Variants in KCNB2 observed in about 807,000 individuals in gnomAD.
The protein encoded by KCNB2 is delayed rectifier potassium channel protein.
In KCNB2, 15 loss-of-function variants were observed where a neutral mutation model predicts 61.5. The observed-to-expected ratio is 0.24, with a 90% CI of 0.16 to 0.38. The LOEUF (loss-of-function observed/expected upper bound fraction) is 0.38, where lower values mean the gene tolerates loss of function less well. Among genes scored for constraint, KCNB2 ranks in the 10% least tolerant of loss-of-function variants. KCNB2 has a pLI of 1.00. For synonymous variants in KCNB2, 457 were observed against 446.0 expected, an observed-to-expected ratio of 1.02 and a Z score of -0.31; for missense variants, 828 against 1,125.2, an observed-to-expected ratio of 0.74 and a Z score of 3.78.
At chr8:72,781,199 T>C (rs1260738241) in intron 2 of KCNB2, among the ~76,000 whole-genome samples, 1 of 152,232 alleles carries the variant, frequency 6.6e-6, no homozygotes, top group Non-Finnish European at 1.5e-5. Context: ...TCTTTTGCTG[T>C]GCAGGAGCTC....
At chr8:72,935,865 C>T (rs140254238) in intron 2 of KCNB2, 70 bp from the exon 3 acceptor site, 52 of 1,026,278 alleles carry the variant, frequency 5.1e-5, no homozygotes, top group South Asian at 1.2e-4. Flanking sequence ...AAACAATCAC[C>T]GACCCATCTG....
chr8:72,821,743 C>G (rs11987799), intron 2 of KCNB2, among the ~76,000 whole-genome samples: 1 of 151,194 alleles, frequency 6.6e-6, no homozygotes, highest in Non-Finnish European at 1.5e-5. Context: ...TTCAATTTAC[C>G]TTCTATAAGC....
At chr8:72,718,937 A>C (rs1563569944) in intron 2 of KCNB2, among the ~76,000 whole-genome samples, 1 of 152,060 alleles carries the variant, frequency 6.6e-6, no homozygotes, top group Non-Finnish European at 1.5e-5. Context: ...ATAAGGCGAG[A>C]TTTTTTTCCC....
intron 2 of KCNB2, among the ~76,000 whole-genome samples, chr8:72,719,287 CT>C (rs1478277303): frequency 7.9e-5 from 12 of 152,152 alleles, no homozygotes; most frequent in Admixed American, 7.9e-4. Flanking sequence ...TAAATCCTGA[CT>C]TTTCCATGTT....
At chr8:72,922,111 C>A (rs1806534365) in intron 2 of KCNB2, among the ~76,000 whole-genome samples, 1 of 152,168 alleles carries the variant, frequency 6.6e-6, no homozygotes, top group Admixed American at 6.5e-5. Context: ...AGAAAAGAAT[C>A]CTTCCTTGCC....
intron 2 of KCNB2, among the ~76,000 whole-genome samples, chr8:72,665,890 A>G (rs550244442): frequency 6.6e-6 from 1 of 152,342 alleles, no homozygotes; most frequent in East Asian, 1.9e-4. Context: ...CCACCTAACC[A>G]GCTGACATGC....
At chr8:72,858,745 G>C (rs984696965) in intron 2 of KCNB2, among the ~76,000 whole-genome samples, 2 of 152,216 alleles carry the variant, frequency 1.3e-5, no homozygotes, top group African/African-American at 4.8e-5. Context: ...ATCATTGCCA[G>C]TGGCCTTGCA....
At chr8:72,722,601 C>T (rs1346048685) in intron 2 of KCNB2, among the ~76,000 whole-genome samples, 1 of 152,180 alleles carries the variant, frequency 6.6e-6, no homozygotes, top group African/African-American at 2.4e-5. Flanking sequence ...TGTCTGTAAG[C>T]TCCAGAAGTC....
At chr8:72,654,626 T>G (rs1806262071) in intron 2 of KCNB2, among the ~76,000 whole-genome samples, 1 of 152,166 alleles carries the variant, frequency 6.6e-6, no homozygotes, top group South Asian at 2.1e-4. Flanking sequence ...AAATTTAGAT[T>G]CTTTGTATCA....
chr8:72,699,652 C>T (rs1807081763), intron 2 of KCNB2, among the ~76,000 whole-genome samples: 1 of 152,062 alleles, frequency 6.6e-6, no homozygotes, highest in Admixed American at 6.6e-5. Context: ...TTGGTGTTTT[C>T]ATCATGAAGT....
At position 72,569,567 on chromosome 8, in the gene KCNB2, G is replaced by A. The variant is rs189303016; in HGVS notation, c.579+1254G>A. On this transcript the variant is annotated intron_variant, in intron 2 of 2. Transcript: ENST00000523207. ...TGTATAACAAAGAAATGCATATTTCGTGGGAAATAGAAGACTTTAGGTTTT... is the reference window on the plus strand; with the variant it reads ...TGTATAACAAAGAAATGCATATTTCATGGGAAATAGAAGACTTTAGGTTTT... Among the ~76,000 whole-genome samples the A allele has an allele frequency of 2.8e-3, 433 of 152,200 alleles. 4 individuals carry two copies. Among genetic ancestry groups the A allele is most frequent in the African/African-American group, 9.1e-3 (379 of 41,532 alleles).
intron 2 of KCNB2, among the ~76,000 whole-genome samples, chr8:72,863,486 A>G (rs1805451846): frequency 6.6e-6 from 1 of 152,256 alleles, no homozygotes; most frequent in Non-Finnish European, 1.5e-5. Context: ...CTTTAAAGGA[A>G]AAGAAAAAAA....
chr8:72,540,371 A>G (rs1229200195), intron 1 of KCNB2, among the ~76,000 whole-genome samples: 1 of 152,172 alleles, frequency 6.6e-6, no homozygotes, highest in East Asian at 1.9e-4. Context: ...TAATTGTTTA[A>G]GATTTGTTTA....
chr8:72,787,652 T>C (rs1388315606), intron 2 of KCNB2, among the ~76,000 whole-genome samples: 1 of 152,130 alleles, frequency 6.6e-6, no homozygotes, highest in African/African-American at 2.4e-5. Flanking sequence ...AAATGGTAGA[T>C]TTCAGAGTAA....
In KCNB2 at chr8:72,887,766, T is replaced by G. The variant is rs147143329; in HGVS notation, c.580-48169T>G. 9.8e-5 allele frequency among the ~76,000 whole-genome samples: 15 copies of G among 152,326 alleles called. No homozygotes were observed. In the East Asian group the frequency reaches 2.9e-3, roughly 29 times the overall value. ...TCCCAGGTGGGATCCAACCCAACCTTGTCCCAACTCTTCTCATTCAGTCAA... is the reference window on the plus strand; with the variant it reads ...TCCCAGGTGGGATCCAACCCAACCTGGTCCCAACTCTTCTCATTCAGTCAA... On this transcript the variant is annotated intron_variant, in intron 2 of 2. Coordinates refer to ENST00000523207, the MANE Select transcript of KCNB2 (RefSeq NM_004770.3).
intron 2 of KCNB2, among the ~76,000 whole-genome samples, chr8:72,637,575 C>T (rs1483433478): frequency 6.6e-6 from 1 of 152,102 alleles, no homozygotes. Context: ...GCCAGTGATG[C>T]TCATGCAGCG....
intron 1 of KCNB2, among the ~76,000 whole-genome samples, chr8:72,542,366 A>G (rs1235966266): frequency 6.6e-6 from 1 of 152,192 alleles, no homozygotes; most frequent in African/African-American, 2.4e-5. Context: ...CTTATTAGAT[A>G]AAATTTCATT....
chr8:72,775,072 C>A (rs1009099154), intron 2 of KCNB2, among the ~76,000 whole-genome samples: 6 of 152,204 alleles, frequency 3.9e-5, no homozygotes, highest in Admixed American at 1.3e-4. Flanking sequence ...CAAAGGAATT[C>A]TTGACACAGA....
chr8:72,754,643 A>G (rs1563580750), intron 2 of KCNB2, among the ~76,000 whole-genome samples: 1 of 152,246 alleles, frequency 6.6e-6, no homozygotes, highest in African/African-American at 2.4e-5. Context: ...AGTAAAATTT[A>G]TAACTGTTAT....
Sources: gnomAD v4.1 joint callset for allele counts (sites outside exome capture counted in the v4.1 genomes callset) on GRCh38, gnomAD v4.1.1 for gene constraint, MANE v1.5 for transcripts, NCBI Gene and HGNC (gene_info 2026-07-23, HGNC 2026-07-21) for gene names.